THBS1: variants seen among roughly 807,000 people sequenced by gnomAD.
The protein encoded by THBS1 is thrombospondin 1.
A neutral mutation model predicts 126.1 loss-of-function variants in THBS1; 29 were observed. The ratio of observed to expected loss-of-function variants is 0.23; its 90% confidence interval spans 0.17 to 0.31. THBS1 has a LOEUF of 0.31. THBS1 is among the 10% of genes least tolerant of loss of function. The pLI is 1.00. For synonymous variants in THBS1, 496 were observed against 577.8 expected, an observed-to-expected ratio of 0.86 and a Z score of 2.03; for missense variants, 1,198 against 1,545.2, an observed-to-expected ratio of 0.78 and a Z score of 3.77.
chr15:39,590,028 A>G lies in THBS1; in HGVS notation c.2145+5A>G. On this transcript the variant is annotated splice_donor_5th_base_variant and intron_variant, in intron 13 of 21. Transcript: ENST00000260356. ...GCGACTTACCACTGCAAAAAGGTAGAGCCAGGTCCTTTGTGTGCCTCCAGA... is the reference window on the plus strand; with the variant it reads ...GCGACTTACCACTGCAAAAAGGTAGGGCCAGGTCCTTTGTGTGCCTCCAGA... The G allele has an allele frequency of 6.3e-7, 1 of 1,584,882 alleles. No homozygotes were observed. Among genetic ancestry groups the G allele is most frequent in the Non-Finnish European group, 8.6e-7 (1 of 1,164,378 alleles).
rs1890447181 is a variant in THBS1, at chr15:39,596,552, T to C, written c.*1183T>C. The C allele has an allele frequency of 6.6e-6, 1 of 152,276 alleles. No individual in the cohort carries two copies. Among genetic ancestry groups the C allele is most frequent in the Non-Finnish European group, 1.5e-5 (1 of 68,072 alleles). The allele number at this position is 152,276 out of a possible 1,614,324, so 9.4% of individuals were successfully genotyped here. A position where few individuals can be genotyped will look rare whatever the true frequency, so the allele number is the denominator to read the frequency against. ...GTTCTGCCTGGAAATTTAGGCTTCA[T>C]ACGGAAAGTGTTTGAGAGCAAGTAG... On this transcript the variant is annotated 3_prime_UTR_variant, in exon 22 of 22. Transcript: ENST00000260356.
chr15:39,591,387 A>G lies in THBS1; in HGVS notation c.2413+37A>G, dbSNP rs1890325428. ...CCTGATCAGAGGGCCCGCGGGAGAC[A>G]GGGACATGCACAGCTTTCCAAACGT... On this transcript the variant is annotated intron_variant, in intron 15 of 21. Transcript: ENST00000260356. 1.9e-6 allele frequency: 3 copies of G among 1,600,220 alleles called. No individual in the cohort carries two copies. In the African/African-American group the frequency reaches 4.0e-5, roughly 21 times the overall value.
rs771188263 is a variant in THBS1 at position 39,594,446 on chromosome 15, A to T, written c.3505+6A>T. The T allele has an allele frequency of 1.2e-6, 2 of 1,613,696 alleles. No homozygotes were observed. Among genetic ancestry groups the T allele is most frequent in the Non-Finnish European group, 8.5e-7 (1 of 1,179,778 alleles). On this transcript the variant is annotated splice_donor_region_variant and intron_variant, in intron 21 of 21. Coordinates refer to ENST00000260356, the MANE Select transcript of THBS1 (RefSeq NM_003246.4). The surrounding 1 kb of genome is among the most constrained non-coding windows in gnomAD (Gnocchi z 4.4). ...CCTGAAATACGAATGTAGAGGTAAG[A>T]GCAACATCACCATGAATGTACACTG...
At chr15:39,583,846 A>G in intron 4 of THBS1, 142 bp from the exon 5 acceptor site, 1 of 1,139,792 alleles carries the variant, frequency 8.8e-7, no homozygotes, top group South Asian at 1.4e-5. Flanking sequence ...TATTATACAC[A>G]CACACGTATA....
At position 39,598,218 on chromosome 15, in the gene THBS1, G is replaced by A. The variant is rs929521211; in HGVS notation, c.*2849G>A. Reference sequence around the variant, plus strand: ...AAGAAATTTTATGAGTAGGTTAAAGGTCTGGCTTTGAGGTCTATTAAACAC... The same window carrying A: ...AAGAAATTTTATGAGTAGGTTAAAGATCTGGCTTTGAGGTCTATTAAACAC... On this transcript the variant is annotated 3_prime_UTR_variant, in exon 22 of 22. Coordinates refer to ENST00000260356, the MANE Select transcript of THBS1 (RefSeq NM_003246.4). 6.6e-6 allele frequency: 1 copy of A among 152,170 alleles called. No homozygotes were observed. Among genetic ancestry groups the A allele is most frequent in the African/African-American group, 2.4e-5 (1 of 41,438 alleles). 9.4% of individuals were successfully genotyped at this position (152,170 alleles called of 1,614,324 possible).
chr15:39,581,865 T>C lies in THBS1; in HGVS notation c.8T>C (p.Leu3Pro), dbSNP rs753607412. The part of the protein sequence containing the change: MG[L>P]AWGLGVLFLM... ...GGCACCAACAGCTCCACCATGGGGC[T>C]GGCCTGGGGACTAGGCGTCCTGTTC... The change falls in exon 2 of 22, where the codon CTG (leucine) becomes CCG (proline). Residue 3 changes from leucine (L) to proline (P), a missense_variant. Leu to Pro is a moderately conservative substitution (Grantham distance 98). Transcript: ENST00000260356. 1 of 1,614,070 alleles carries C rather than the reference T, an allele frequency of 6.2e-7. No individual in the cohort carries two copies. Among genetic ancestry groups the C allele is most frequent in the Non-Finnish European group, 8.5e-7 (1 of 1,179,982 alleles).
chr15:39,587,713 T>A (rs542608644), intron 8 of THBS1, among the ~76,000 whole-genome samples, 193 bp downstream of exon 8: 21 of 152,360 alleles, frequency 1.4e-4, no homozygotes, highest in Non-Finnish European at 2.4e-4. Context: ...AACTTGGAGA[T>A]AATAATAGTT....
In THBS1 at chr15:39,588,099, G is replaced by T; in HGVS notation, c.1352G>T (p.Cys451Phe). ...CCGTGGTCATCTTGTTCTGTGACAT[G>T]TGGTGATGGTGTGATCACAAGGATC... ...WSPWSSCSVTCGDGVITRIRL... is the reference protein window; with the variant it reads ...WSPWSSCSVTFGDGVITRIRL... The change falls in exon 9 of 22, where the codon TGT becomes TTT. Residue 451 changes from cysteine to phenylalanine, a missense_variant. Around this residue, in one of 4 missense-constraint regions of THBS1, gnomAD observed 663 missense variants for 860.1 expected, o/e 0.77. Coordinates refer to ENST00000260356, the MANE Select transcript of THBS1 (RefSeq NM_003246.4). The T allele has an allele frequency of 6.2e-7, 1 of 1,614,250 alleles. No individual in the cohort carries two copies. The highest frequency in any genetic ancestry group is 8.5e-7 in the Non-Finnish European group (1 of 1,180,036).
Position 39,593,323 on chromosome 15 carries a change from A to G in THBS1, c.2996-74A>G. 1.9e-6 allele frequency: 3 copies of G among 1,612,354 alleles called. No individual in the cohort carries two copies. In the Admixed American group the frequency reaches 5.0e-5, roughly 27 times the overall value. ...GTTGTACCTATCCCTGTGGGTGCTG[A>G]GGATGTCTAGGAACATGATGGAGAA... On this transcript the variant is annotated intron_variant, in intron 18 of 21. Coordinates refer to ENST00000260356, the MANE Select transcript of THBS1 (RefSeq NM_003246.4). This position sits in a 1 kb window ranked among gnomAD's most constrained non-coding sequence, Gnocchi z 5.9.
In THBS1 at chr15:39,593,336, A is replaced by C. The variant is rs1349006482; in HGVS notation, c.2996-61A>C. 1.9e-6 allele frequency: 3 copies of C among 1,613,116 alleles called. No individual in the cohort carries two copies. The highest frequency in any genetic ancestry group is 1.7e-6 in the Non-Finnish European group (2 of 1,179,412). ...CTGTGGGTGCTGAGGATGTCTAGGAACATGATGGAGAACCTTCTGAAGGCT... is the reference window on the plus strand; with the variant it reads ...CTGTGGGTGCTGAGGATGTCTAGGACCATGATGGAGAACCTTCTGAAGGCT... On this transcript the variant is annotated intron_variant, in intron 18 of 21. Coordinates refer to ENST00000260356, the MANE Select transcript of THBS1 (RefSeq NM_003246.4). This position sits in a 1 kb window ranked among gnomAD's most constrained non-coding sequence, Gnocchi z 5.9.
At position 39,593,280 on chromosome 15, in the gene THBS1, C is replaced by CA. The variant is rs1890366073; in HGVS notation, c.2995+56dup. On this transcript the variant is annotated intron_variant, in intron 18 of 21. Transcript: ENST00000260356. The surrounding 1 kb of genome is among the most constrained non-coding windows in gnomAD (Gnocchi z 5.9). ...AGACTGATGCATACATGGGGAAAAA[C>CA]AAATATAAAACCTGGCAGTTGTACC... 1 of 1,610,888 alleles carries CA rather than the reference C, an allele frequency of 6.2e-7. No individual in the cohort carries two copies. Among genetic ancestry groups the CA allele is most frequent in the Non-Finnish European group, 8.5e-7 (1 of 1,177,306 alleles).
chr15:39,581,379 T>A (rs1890099883), intron 1 of THBS1, among the ~76,000 whole-genome samples, 151 bp downstream of exon 1: 1 of 152,166 alleles, frequency 6.6e-6, no homozygotes, highest in Non-Finnish European at 1.5e-5. Flanking sequence ...GGAGGACTCT[T>A]CAGGGCAAGG....
rs565644718 is a variant in THBS1 at position 39,581,608 on chromosome 15, C to G, written c.-29-221C>G. 5 of 453,440 alleles carry G rather than the reference C, an allele frequency of 1.1e-5. No individual in the cohort carries two copies. The South Asian group carries it at 1.9e-4, about 17-fold the overall frequency. 28.1% of individuals were successfully genotyped at this position (453,440 alleles called of 1,614,324 possible). On this transcript the variant is annotated intron_variant, in intron 1 of 21. Transcript: ENST00000260356. ...CCCAAATTGTTGGTCTTGCGCCCCC[C>G]ACACTTTAAAACCAGCATCTCTTTC... is the stretch of plus-strand genomic sequence containing the variant.
chr15:39,582,799 C>T, intron 3 of THBS1, 47 bp downstream of exon 3: 2 of 1,545,408 alleles, frequency 1.3e-6, no homozygotes, highest in Non-Finnish European at 1.7e-6. Flanking sequence ...ATCTGCTAGA[C>T]AGGTGACCTG....
rs1890366766 is a variant in THBS1 at position 39,593,317 on chromosome 15, G to A, written c.2996-80G>A. On this transcript the variant is annotated intron_variant, in intron 18 of 21. Transcript: ENST00000260356. This position sits in a 1 kb window ranked among gnomAD's most constrained non-coding sequence, Gnocchi z 5.9. ...CTGGCAGTTGTACCTATCCCTGTGG[G>A]TGCTGAGGATGTCTAGGAACATGAT... 1.2e-6 allele frequency: 2 copies of A among 1,611,650 alleles called. No individual in the cohort carries two copies. Among genetic ancestry groups the A allele is most frequent in the South Asian group, 2.2e-5 (2 of 90,966 alleles).
rs1890337505 is a variant in THBS1 at position 39,592,009 on chromosome 15, T to G, written c.2532+386T>G. On this transcript the variant is annotated intron_variant, in intron 16 of 21. Coordinates refer to ENST00000260356, the MANE Select transcript of THBS1 (RefSeq NM_003246.4). This position sits in a 1 kb window ranked among gnomAD's most constrained non-coding sequence, Gnocchi z 4.3. ...AATGTGCATAAGCAAAATAACCATT[T>G]TCATGGCTAATGATGTAATCTAGCT... Among the ~76,000 whole-genome samples, 3 of 152,264 alleles carry G rather than the reference T, an allele frequency of 2.0e-5. No individual in the cohort carries two copies. Among genetic ancestry groups the G allele is most frequent in the Non-Finnish European group, 2.9e-5 (2 of 68,040 alleles).
In THBS1 at chr15:39,593,110, T is replaced by C; in HGVS notation, c.2878T>C (p.Phe960Leu). ...CATCAGTGAGACCGATTTCCGCCGATTCCAGATGATTCCTCTGGACCCCAA... is the reference window on the plus strand; with the variant it reads ...CATCAGTGAGACCGATTTCCGCCGACTCCAGATGATTCCTCTGGACCCCAA... ...VDISETDFRRFQMIPLDPKGT... is the reference protein window; with the variant it reads ...VDISETDFRRLQMIPLDPKGT... Residue 960 changes from phenylalanine to leucine, a missense_variant, in exon 18 of 22, where the codon TTC becomes CTC. Around this residue, in one of 4 missense-constraint regions of THBS1, gnomAD observed 255 missense variants for 373.9 expected, o/e 0.68. Transcript: ENST00000260356. The surrounding 1 kb of genome is among the most constrained non-coding windows in gnomAD (Gnocchi z 5.9). 1.3e-6 allele frequency: 2 copies of C among 1,598,520 alleles called. No individual in the cohort carries two copies. The highest frequency in any genetic ancestry group is 1.7e-6 in the Non-Finnish European group (2 of 1,173,058).
Position 39,582,729 on chromosome 15 carries a change from G to T in THBS1, c.604G>T (p.Gly202Trp). Residue 202 changes from glycine (G) to tryptophan (W), a missense_variant, in exon 3 of 22, where the codon GGG becomes TGG. Transcript: ENST00000260356. The part of the protein sequence containing the change: ...ASIARLRIAK[G>W]GVNDNFQGVL... ...CATCGCCAGACTCCGCATCGCAAAG[G>T]GGGGCGTCAATGACAATTTCCAGGT... The T allele has an allele frequency of 6.2e-7, 1 of 1,611,426 alleles. No homozygotes were observed. The highest frequency in any genetic ancestry group is 8.5e-7 in the Non-Finnish European group (1 of 1,179,064).
Position 39,597,280 on chromosome 15 carries a change from G to GTTTTTTTTTTTTTTTTTTTTTTTTTTTT in THBS1, c.*1932_*1933insTTTTTTTTTTTTTTTTTTTTTTTTTTTT. The GTTTTTTTTTTTTTTTTTTTTTTTTTTTT allele has an allele frequency of 6.2e-5, 3 of 48,040 alleles. No homozygotes were observed. The highest frequency in any genetic ancestry group is 1.2e-4 in the Non-Finnish European group (3 of 25,236). 3.0% of individuals were successfully genotyped at this position (48,040 alleles called of 1,614,324 possible). A position where few individuals can be genotyped will look rare whatever the true frequency, so the allele number is the denominator to read the frequency against. On this transcript the variant is annotated 3_prime_UTR_variant, in exon 22 of 22. Coordinates refer to ENST00000260356, the MANE Select transcript of THBS1 (RefSeq NM_003246.4). ...GTTGGTTTTTTCTTTTTTTTGTTTTGTTTTTTTTTTTTTTTTTTTTTGCTT... is the reference window on the plus strand; with the variant it reads ...GTTGGTTTTTTCTTTTTTTTGTTTTGTTTTTTTTTTTTTTTTTTTTTTTTTTTTTTTTTTTTTTTTTTTTTTTTTGCTT...
Sources: allele counts gnomAD v4.1 joint callset (sites outside exome capture counted in the v4.1 genomes callset), GRCh38; gene constraint gnomAD v4.1.1; regional missense constraint gnomAD v4.1.1; non-coding constraint Gnocchi (gnomAD v3.1); transcripts MANE v1.5; gene names NCBI Gene and HGNC (gene_info 2026-07-23, HGNC 2026-07-21).